Variants in EPPK1 observed in about 807,000 individuals in gnomAD.
EPPK1 encodes the protein epiplakin.
For missense variants in EPPK1, 3,823 were observed against 3,673.3 expected (o/e 1.04, Z -1.05); for synonymous variants, 1,862 against 1,721.2 (o/e 1.08, Z -2.03).
chr8:143,871,956 G>C lies in EPPK1; in HGVS notation c.1298C>G (p.Ser433Trp). ...GCCGTCTGAGAAGCTGCCAGCCTGC[G>C]AGAGCTGCCGCTGAGTGTCTTCATC... The part of the protein sequence containing the change: ...CLDEDTQRQL[S>W]QAGSFSDGTH... Residue 433 changes from serine (S) to tryptophan (W), a missense_variant, in exon 2 of 2, where the codon TCG (serine) becomes TGG (tryptophan). Transcript: ENST00000615648. The C allele has an allele frequency of 6.3e-7, 1 of 1,598,930 alleles. No homozygotes were observed. Among genetic ancestry groups the C allele is most frequent in the South Asian group, 1.1e-5 (1 of 90,424 alleles).
rs782020246 is a variant in EPPK1, at chr8:143,868,528, C to A, written c.4726G>T (p.Val1576Phe). ...SLEGGNFIAGVLIQGTQERMS... is the reference protein window; with the variant it reads ...SLEGGNFIAGFLIQGTQERMS... ...CTCTCCTGGGTGCCCTGGATAAGGACCCCGGCAATGAAGTTGCCTCCCTCC... is the reference window on the plus strand; with the variant it reads ...CTCTCCTGGGTGCCCTGGATAAGGAACCCGGCAATGAAGTTGCCTCCCTCC... The change falls in exon 2 of 2, where the codon GTC becomes TTC. Residue 1576 changes from valine to phenylalanine, a missense_variant. Transcript: ENST00000615648. 3 of 1,607,006 alleles carry A rather than the reference C, an allele frequency of 1.9e-6. No individual in the cohort carries two copies. Among genetic ancestry groups the A allele is most frequent in the Non-Finnish European group, 8.5e-7 (1 of 1,177,284 alleles).
At position 143,866,788 on chromosome 8, in the gene EPPK1, G is replaced by T. The variant is rs782114715; in HGVS notation, c.6466C>A (p.Gln2156Lys). The stretch of plus-strand genomic sequence containing the variant: ...TTCTCGATCAACTCTAAGATGAGCT[G>T]CGCTACCGTCTGCAGTGCCCGTCTG... ...HTRRALQTVA[Q>K]LILELIEKQE... The change falls in exon 2 of 2, where the codon CAG becomes AAG. Residue 2156 changes from glutamine (Q) to lysine (K), a missense_variant. Coordinates refer to ENST00000615648, the MANE Select transcript of EPPK1 (RefSeq NM_031308.4). 6.2e-7 allele frequency: 1 copy of T among 1,613,478 alleles called. No individual in the cohort carries two copies. Among genetic ancestry groups the T allele is most frequent in the Non-Finnish European group, 8.5e-7 (1 of 1,179,882 alleles).
rs782096624 is a variant in EPPK1, at chr8:143,871,736, C to T, written c.1518G>A (p.Arg506=). 3.1e-6 allele frequency: 5 copies of T among 1,609,344 alleles called. No individual in the cohort carries two copies. The highest frequency in any genetic ancestry group is 4.2e-6 in the Non-Finnish European group (5 of 1,178,582). ...ATVSVGKFRG[R]PVSLWELLFS... Reference sequence around the variant, plus strand: ...AGAGCAGCTCCCAGAGGGACACGGGCCGGCCCCGGAACTTCCCCACAGAGA... The same window carrying T: ...AGAGCAGCTCCCAGAGGGACACGGGTCGGCCCCGGAACTTCCCCACAGAGA... Residue 506 remains arginine (R), a synonymous_variant, in exon 2 of 2, where the codon CGG becomes CGA. Coordinates refer to ENST00000615648, the MANE Select transcript of EPPK1 (RefSeq NM_031308.4).
In EPPK1 at chr8:143,867,065, G is replaced by A. The variant is rs781871822; in HGVS notation, c.6189C>T (p.Val2063=). 2 of 1,612,760 alleles carry A rather than the reference G, an allele frequency of 1.2e-6. No individual in the cohort carries two copies. The highest frequency in any genetic ancestry group is 8.5e-7 in the Non-Finnish European group (1 of 1,179,856). Residue 2063 remains valine (V), a synonymous_variant, in exon 2 of 2, where the codon GTC becomes GTT. Transcript: ENST00000615648. ...ACCTCTCCTGCAGCTCTCGGTACGA[G>A]ACCTTCTCTTGCGTGTTCGGGTCCA... The part of the protein sequence containing the change: ...RFVDPNTQEK[V]SYRELQERCR...
In EPPK1 at chr8:143,866,881, G is replaced by C; in HGVS notation, c.6373C>G (p.Leu2125Val). The change falls in exon 2 of 2, where the codon CTA (leucine) becomes GTA (valine). Residue 2125 changes from leucine (L) to valine (V), a missense_variant. Leu to Val is a conservative substitution (Grantham distance 32). Transcript: ENST00000615648. ...TCTGTCACGTATTCGGAATTCAGTA[G>C]TGCCCACAGTGTTGGTTTCTGGCCT... ...FRGQKPTLWA[L>V]LNSEYVTEEK... 6.2e-7 allele frequency: 1 copy of C among 1,613,210 alleles called. No homozygotes were observed. The highest frequency in any genetic ancestry group is 8.5e-7 in the Non-Finnish European group (1 of 1,179,884).
chr8:143,868,414 T>C lies in EPPK1; in HGVS notation c.4840A>G (p.Ile1614Val), dbSNP rs1554659935. 3 of 1,612,446 alleles carry C rather than the reference T, an allele frequency of 1.9e-6. No homozygotes were observed. The highest frequency in any genetic ancestry group is 2.7e-5 in the African/African-American group (2 of 74,934). ...LLEAQAATGF[I>V]IDPVENRKLT... ...TTCCGGTTCTCCACGGGGTCGATGA[T>C]GAAGCCGGTAGCTGCCTGTGCCTCC... is the stretch of plus-strand genomic sequence containing the variant. The change falls in exon 2 of 2, where the codon ATC (isoleucine) becomes GTC (valine). Residue 1614 changes from isoleucine to valine, a missense_variant. By Grantham distance (29) the Ile-to-Val change is conservative (BLOSUM62 3). Coordinates refer to ENST00000615648, the MANE Select transcript of EPPK1 (RefSeq NM_031308.4).
At position 143,867,445 on chromosome 8, in the gene EPPK1, T is replaced by C. The variant is rs572259751; in HGVS notation, c.5809A>G (p.Thr1937Ala). The change falls in exon 2 of 2, where the codon ACC (threonine) becomes GCC (alanine). Residue 1937 changes from threonine (T) to alanine (A), a missense_variant. Thr to Ala is a moderately conservative substitution (Grantham distance 58). Transcript: ENST00000615648. ...ATWLLEAQAA[T>A]GFLLDPCTRQ... ...GTGCAGGGGTCCAGGAGGAACCCGG[T>C]GGCGGCCTGCGCCTCCAGCAGCCAA... 2 of 1,612,600 alleles carry C rather than the reference T, an allele frequency of 1.2e-6. No homozygotes were observed. The highest frequency in any genetic ancestry group is 1.1e-5 in the South Asian group (1 of 91,078).
chr8:143,872,842 C>T lies in EPPK1; in HGVS notation c.412G>A (p.Gly138Arg), dbSNP rs372926164. ...GEKLALFQAI[G>R]KEVVDRALGQ... ...AGGGCCCTGTCCACAACCTCCTTCCCGATGGCCTGAAAGAGGGCCAGCTTC... is the reference window on the plus strand; with the variant it reads ...AGGGCCCTGTCCACAACCTCCTTCCTGATGGCCTGAAAGAGGGCCAGCTTC... The change falls in exon 2 of 2, where the codon GGG (glycine) becomes AGG (arginine). Residue 138 changes from glycine (G) to arginine (R), a missense_variant. Gly to Arg is a moderately radical substitution (Grantham distance 125, BLOSUM62 -2). Coordinates refer to ENST00000615648, the MANE Select transcript of EPPK1 (RefSeq NM_031308.4). The T allele has an allele frequency of 4.9e-5, 76 of 1,563,284 alleles. No individual in the cohort carries two copies. Among genetic ancestry groups the T allele is most frequent in the South Asian group, 1.2e-4 (10 of 83,368 alleles).
chr8:143,867,718 T>C lies in EPPK1; in HGVS notation c.5536A>G (p.Lys1846Glu), dbSNP rs1563880867. Residue 1846 changes from lysine to glutamate, a missense_variant, in exon 2 of 2, where the codon AAA becomes GAA. Coordinates refer to ENST00000615648, the MANE Select transcript of EPPK1 (RefSeq NM_031308.4). ...EETETQNQGI[K>E]VAAIRGEVTA... ...ACCTCCCCTCTGATGGCCGCCACTT[T>C]GATGCCTTGGTTTTGCGTCTCTGTT... is the stretch of plus-strand genomic sequence containing the variant. The C allele has an allele frequency of 6.2e-7, 1 of 1,613,786 alleles. No homozygotes were observed. Among genetic ancestry groups the C allele is most frequent in the East Asian group, 2.2e-5 (1 of 44,882 alleles).
In EPPK1 at chr8:143,870,166, G is replaced by C. The variant is rs781814353; in HGVS notation, c.3088C>G (p.Leu1030Val). The C allele has an allele frequency of 1.2e-6, 2 of 1,611,900 alleles. No homozygotes were observed. The highest frequency in any genetic ancestry group is 2.2e-5 in the South Asian group (2 of 90,920). The change falls in exon 2 of 2, where the codon CTC becomes GTC. Residue 1030 changes from leucine to valine, a missense_variant. Leu to Val is a conservative substitution (Grantham distance 32). Coordinates refer to ENST00000615648, the MANE Select transcript of EPPK1 (RefSeq NM_031308.4). This position sits in a 1 kb window ranked among gnomAD's most constrained non-coding sequence, Gnocchi z 5.2. ...CGGGCAGCTTGCTCCCAAGGGATGA[G>C]ACCTTTCTTCATGGCCTGGAACACA... ...VSVFQAMKKG[L>V]IPWEQAARLL...
Position 143,870,264 on chromosome 8 carries a change from A to T in EPPK1, c.2990T>A (p.Leu997Gln). 6.3e-7 allele frequency: 1 copy of T among 1,596,892 alleles called. No individual in the cohort carries two copies. Among genetic ancestry groups the T allele is most frequent in the South Asian group, 1.1e-5 (1 of 89,034 alleles). Reference protein sequence around the residue: ...AVRRGVVGPELYGRLKRAEGA... With the variant: ...AVRRGVVGPEQYGRLKRAEGA... The stretch of plus-strand genomic sequence containing the variant: ...CTCAGCCCGCTTCAGCCTGCCATAC[A>T]GCTCCGGCCCCACCACACCCCTGCG... The change falls in exon 2 of 2, where the codon CTG becomes CAG. Residue 997 changes from leucine to glutamine, a missense_variant. Transcript: ENST00000615648. The surrounding 1 kb of genome is among the most constrained non-coding windows in gnomAD (Gnocchi z 5.2).
rs1011895897 is a variant in EPPK1 at position 143,869,114 on chromosome 8, G to A, written c.4140C>T (p.Cys1380=). ...TCTGTGTGTCCAGAAGGCCGAGTCT[G>A]CAGGCTGCCGCCTGGGGCAGGTGCA... is the stretch of plus-strand genomic sequence containing the variant. ...HGVHLPQAAA[C]RLGLLDTQTS... is the part of the protein sequence containing the mutation. The change falls in exon 2 of 2, where the codon TGC becomes TGT. Residue 1380 remains cysteine (C), a synonymous_variant. Coordinates refer to ENST00000615648, the MANE Select transcript of EPPK1 (RefSeq NM_031308.4). 8.1e-6 allele frequency: 13 copies of A among 1,606,020 alleles called. No individual in the cohort carries two copies. In the East Asian group the frequency reaches 1.1e-4, roughly 14 times the overall value.
In EPPK1 at chr8:143,872,820, G is replaced by A; in HGVS notation, c.434C>T (p.Ala145Val). 6.4e-7 allele frequency: 1 copy of A among 1,563,322 alleles called. No homozygotes were observed. ...QAIGKEVVDR[A>V]LGQSWLEVQL... Reference sequence around the variant, plus strand: ...GACCTCCAGCCAGCTCTGCCCCAGGGCCCTGTCCACAACCTCCTTCCCGAT... The same window carrying A: ...GACCTCCAGCCAGCTCTGCCCCAGGACCCTGTCCACAACCTCCTTCCCGAT... Residue 145 changes from alanine (A) to valine (V), a missense_variant, in exon 2 of 2, where the codon GCC becomes GTC. Physicochemically the swap from Ala to Val is moderately conservative, Grantham distance 64. Transcript: ENST00000615648.
rs1473249386 is a variant in EPPK1, at chr8:143,869,662, CGG to C, written c.3590_3591del (p.Pro1197ArgfsTer5). On this transcript the variant is annotated frameshift_variant, in exon 2 of 2. Transcript: ENST00000615648. LOFTEE classifies it low-confidence loss of function (END_TRUNC). ...ACAGCGGGTACCTCACCCCGTGGGC[CGG>C]GCACCATGACGCGGGCCTGGGCCAG... ...KLLAQARVMV[P>X]GPRGEVPAVW... The C allele has an allele frequency of 6.3e-7, 1 of 1,595,630 alleles. No individual in the cohort carries two copies. The highest frequency in any genetic ancestry group is 1.3e-5 in the African/African-American group (1 of 74,526).
rs564653559 is a variant in EPPK1 at position 143,876,301 on chromosome 8, A to G, written c.-46+2137T>C. 1.1e-4 allele frequency among the ~76,000 whole-genome samples: 16 copies of G among 152,292 alleles called. No homozygotes were observed. In the South Asian group the frequency reaches 3.3e-3, roughly 32 times the overall value. On this transcript the variant is annotated intron_variant, in intron 1 of 1. Coordinates refer to ENST00000615648, the MANE Select transcript of EPPK1 (RefSeq NM_031308.4). ...GAAGAGGACCTGGTCACACCTGACA[A>G]GCCCTGAGCCAGCAGGCGCGCCCGG...
intron 1 of EPPK1, among the ~76,000 whole-genome samples, chr8:143,877,328 A>AG (rs1819501087): frequency 6.7e-6 from 1 of 149,962 alleles, no homozygotes; most frequent in African/African-American, 2.5e-5. Context: ...GTCCGGAGCG[A>AG]GGGGGGGCAG....
rs781949204 is a variant in EPPK1, at chr8:143,873,164, C to T, written c.90G>A (p.Leu30=). 4 of 1,593,470 alleles carry T rather than the reference C, an allele frequency of 2.5e-6. No individual in the cohort carries two copies. In the African/African-American group the frequency reaches 4.0e-5, roughly 16 times the overall value. ...GGGGCCTGGGGGGCGTGCCGGCTCC[C>T]AGCGTGGCTGCCATGGCTCTGGGTA... is the stretch of plus-strand genomic sequence containing the variant. ...ASVPRAMAAT[L]GAGTPPRPQA... The change falls in exon 2 of 2, where the codon CTG becomes CTA. Residue 30 remains leucine (L), a synonymous_variant. Coordinates refer to ENST00000615648, the MANE Select transcript of EPPK1 (RefSeq NM_031308.4).
At position 143,857,916 on chromosome 8, in the gene EPPK1, AAAAC is replaced by A; in HGVS notation, c.*67_*70del. 7 of 821,510 alleles carry A rather than the reference AAAAC, an allele frequency of 8.5e-6. No homozygotes were observed. The highest frequency in any genetic ancestry group is 1.2e-5 in the Non-Finnish European group (7 of 580,254). The allele number at this position is 821,510 out of a possible 1,614,324, so 50.9% of individuals were successfully genotyped here. A position where few individuals can be genotyped will look rare whatever the true frequency, so the allele number is the denominator to read the frequency against. On this transcript the variant is annotated 3_prime_UTR_variant, in exon 2 of 2. Transcript: ENST00000615648. ...AATGACAAAAAAAAAAAAAAAAAAA[AAAAC>A]AACCCAGACACACAAGTATGCCTCC...
Position 143,870,367 on chromosome 8 carries a change from G to C in EPPK1, c.2887C>G (p.Leu963Val), listed in dbSNP as rs1554660735. ...KLLGPRVALALLEAQAATGTI... is the reference protein window; with the variant it reads ...KLLGPRVALAVLEAQAATGTI... ...CCGGTGGCCGCCTGGGCCTCCAGCA[G>C]GGCCAGGGCCACCCTGGGCCCCAGC... The change falls in exon 2 of 2, where the codon CTG becomes GTG. Residue 963 changes from leucine (L) to valine (V), a missense_variant. By Grantham distance (32) the Leu-to-Val change is conservative. Coordinates refer to ENST00000615648, the MANE Select transcript of EPPK1 (RefSeq NM_031308.4). This position sits in a 1 kb window ranked among gnomAD's most constrained non-coding sequence, Gnocchi z 5.2. 1.9e-6 allele frequency: 3 copies of C among 1,563,946 alleles called. No individual in the cohort carries two copies. The East Asian group carries it at 6.9e-5, about 36-fold the overall frequency.
Sources: allele counts gnomAD v4.1 joint callset (sites outside exome capture counted in the v4.1 genomes callset), GRCh38; gene constraint gnomAD v4.1.1; non-coding constraint Gnocchi (gnomAD v3.1); transcripts MANE v1.5; gene names NCBI Gene and HGNC (gene_info 2026-07-23, HGNC 2026-07-21).